PCDHA7: variants seen among roughly 807,000 people sequenced by gnomAD.
PCDHA7 encodes protocadherin alpha 7, also known as protocadherin alpha-7.
A neutral mutation model predicts 57.2 loss-of-function variants in PCDHA7; 37 were observed. That is an observed-to-expected ratio of 0.65 (90% CI 0.50 to 0.85). The LOEUF (loss-of-function observed/expected upper bound fraction) is 0.85, where lower values mean the gene tolerates loss of function less well. Ranked by LOEUF, PCDHA7 falls within the 40% of genes least tolerant of loss-of-function variation. The pLI, the probability that PCDHA7 is intolerant of heterozygous loss-of-function variation, is 0.00. For synonymous variants in PCDHA7, 553 were observed against 558.8 expected, an observed-to-expected ratio of 0.99 and a Z score of 0.15; for missense variants, 1,188 against 1,241.8, an observed-to-expected ratio of 0.96 and a Z score of 0.65.
chr5:140,882,198 G>A lies in PCDHA7; in HGVS notation c.2355+45460G>A, dbSNP rs964999330. ...CCGCACTAGGAAGCCATAAAAATTG[G>A]GCCTTGAGAGACAGTTTGAGGTAAG... On this transcript the variant is annotated intron_variant, in intron 1 of 3. Coordinates refer to ENST00000525929, the MANE Select transcript of PCDHA7 (RefSeq NM_018910.3). The A allele has an allele frequency of 8.5e-6, 13 of 1,525,466 alleles. 1 individual carries two copies. In the East Asian group the frequency reaches 2.5e-4, roughly 29 times the overall value. The allele number at this position is 1,525,466 out of a possible 1,614,324, so 94.5% of individuals were successfully genotyped here.
intron 3 of PCDHA7, among the ~76,000 whole-genome samples, chr5:140,995,853 A>G (rs934469128): frequency 4.6e-5 from 7 of 152,220 alleles, no homozygotes. Context: ...TTTCTATCGT[A>G]TCACTTAATA....
rs528377796 is a variant in PCDHA7, at chr5:140,957,777, T to G, written c.2356-21172T>G. The stretch of plus-strand genomic sequence containing the variant: ...TTCATTATATATGTTAAGTAAAAAC[T>G]AAGTTCATCATATATGTTAAGTAAA... On this transcript the variant is annotated intron_variant, in intron 1 of 3. Coordinates refer to ENST00000525929, the MANE Select transcript of PCDHA7 (RefSeq NM_018910.3). 8.5e-5 allele frequency among the ~76,000 whole-genome samples: 13 copies of G among 152,182 alleles called. No individual in the cohort carries two copies. The South Asian group carries it at 1.7e-3, about 19-fold the overall frequency.
intron 1 of PCDHA7, chr5:140,849,964 T>C: frequency 6.3e-7 from 1 of 1,597,810 alleles, no homozygotes; most frequent in African/African-American, 1.3e-5. Flanking sequence ...AACGCCCTGG[T>C]GTCCTACTCG....
intron 3 of PCDHA7, among the ~76,000 whole-genome samples, chr5:140,987,213 CA>C (rs58319157): frequency 0.029 from 3,412 of 118,662 alleles, 64 homozygotes; most frequent in African/African-American, 0.058. Flanking sequence ...GACTCCATCT[CA>C]AAAAAAAAAA....
intron 1 of PCDHA7, among the ~76,000 whole-genome samples, chr5:140,954,172 T>C (rs1297030972): frequency 6.6e-6 from 1 of 152,246 alleles, no homozygotes; most frequent in Non-Finnish European, 1.5e-5. Flanking sequence ...ATTTTCTTTA[T>C]CCAGTCTATC....
intron 1 of PCDHA7, chr5:140,853,873 G>T (rs1238273560): frequency 1.0e-6 from 1 of 983,500 alleles, no homozygotes; most frequent in Non-Finnish European, 1.2e-6. Context: ...GACAGTGCAA[G>T]TTTCTGTAAT....
At chr5:140,982,234 A>C (rs1039012011) in intron 2 of PCDHA7, 1 of 643,856 alleles carries the variant, frequency 1.6e-6, no homozygotes. Flanking sequence ...AAAAAACAGA[A>C]TTGCCATAAA....
chr5:140,951,659 C>T (rs1293655737), intron 1 of PCDHA7, among the ~76,000 whole-genome samples: 3 of 152,164 alleles, frequency 2.0e-5, no homozygotes, highest in African/African-American at 7.2e-5. Flanking sequence ...CCCACCAGGG[C>T]CTGCCTACAA....
At position 140,834,672 on chromosome 5, in the gene PCDHA7, G is replaced by C. The variant is rs2150223944; in HGVS notation, c.289G>C (p.Gly97Arg). 8.1e-6 allele frequency: 13 copies of C among 1,614,118 alleles called. No individual in the cohort carries two copies. The highest frequency in any genetic ancestry group is 1.6e-4 in the Middle Eastern group (1 of 6,084). ...TCGGATCGACCGCGAGGAGCTGTGCGGGCGGAGCGCGGAGTGCAGCATCCA... is the reference window on the plus strand; with the variant it reads ...TCGGATCGACCGCGAGGAGCTGTGCCGGCGGAGCGCGGAGTGCAGCATCCA... ...NSRIDREELCGRSAECSIHLE... is the reference protein window; with the variant it reads ...NSRIDREELCRRSAECSIHLE... The change falls in exon 1 of 4, where the codon GGG becomes CGG. Residue 97 changes from glycine to arginine, a missense_variant. Coordinates refer to ENST00000525929, the MANE Select transcript of PCDHA7 (RefSeq NM_018910.3).
intron 1 of PCDHA7, among the ~76,000 whole-genome samples, chr5:140,908,850 C>T (rs1234928966): frequency 6.6e-6 from 1 of 152,160 alleles, no homozygotes; most frequent in Non-Finnish European, 1.5e-5. Flanking sequence ...GTAACATACC[C>T]AAATGAGGAA....
intron 1 of PCDHA7, chr5:140,850,880 A>T (rs2150501340): frequency 6.3e-7 from 1 of 1,586,802 alleles, no homozygotes; most frequent in African/African-American, 1.4e-5. Flanking sequence ...CCTCAGATTC[A>T]ACTGGGAAGG....
At chr5:140,964,677 A>G (rs578237071) in intron 1 of PCDHA7, among the ~76,000 whole-genome samples, 11 of 152,090 alleles carry the variant, frequency 7.2e-5, no homozygotes, top group Non-Finnish European at 1.0e-4. Flanking sequence ...CAGGTCCACA[A>G]TTTGTGCACT....
Position 140,836,160 on chromosome 5 carries a change from A to G in PCDHA7, c.1777A>G (p.Lys593Glu), listed in dbSNP as rs1774254627. The change falls in exon 1 of 4, where the codon AAG becomes GAG. Residue 593 changes from lysine (K) to glutamate (E), a missense_variant. This residue lies in a region of PCDHA7 where 892 missense variants were observed against 788.5 expected (regional missense o/e 1.13). Transcript: ENST00000525929. ...TGTGGGCGCGGGCCATGTGGTGGCG[A>G]AGGTACGTGCAGTTGACGCTGACTC... ...RSVGAGHVVA[K>E]VRAVDADSGY... 6.2e-7 allele frequency: 1 copy of G among 1,613,780 alleles called. No homozygotes were observed. The highest frequency in any genetic ancestry group is 1.7e-5 in the Admixed American group (1 of 60,020).
At position 140,849,933 on chromosome 5, in the gene PCDHA7, C is replaced by G. The variant is rs2150458258; in HGVS notation, c.2355+13195C>G. Reference sequence around the variant, plus strand: ...CTGCCACATCTTCACGGTGTCTGCGCGGGACGCTGACGCGCAGGAGAACGC... The same window carrying G: ...CTGCCACATCTTCACGGTGTCTGCGGGGGACGCTGACGCGCAGGAGAACGC... On this transcript the variant is annotated intron_variant, in intron 1 of 3. Transcript: ENST00000525929. 8.1e-6 allele frequency: 13 copies of G among 1,598,002 alleles called. 1 individual carries two copies. In the African/African-American group the frequency reaches 1.2e-4, roughly 15 times the overall value.
At position 140,843,778 on chromosome 5, in the gene PCDHA7, G is replaced by C. The variant is rs2150366653; in HGVS notation, c.2355+7040G>C. 3.5e-6 allele frequency: 5 copies of C among 1,441,518 alleles called. No individual in the cohort carries two copies. The East Asian group carries it at 1.1e-4, about 33-fold the overall frequency. The allele number at this position is 1,441,518 out of a possible 1,614,324, so 89.3% of individuals were successfully genotyped here. A position where few individuals can be genotyped will look rare whatever the true frequency, so the allele number is the denominator to read the frequency against. On this transcript the variant is annotated intron_variant, in intron 1 of 3. Transcript: ENST00000525929. ...TGTGGAAATTGTAGTTACTTTAAAA[G>C]TGTTTCAGATTTAGTTTTTCACCGT...
intron 1 of PCDHA7, among the ~76,000 whole-genome samples, chr5:140,916,237 A>G (rs1004473327): frequency 6.6e-6 from 1 of 152,182 alleles, no homozygotes; most frequent in African/African-American, 2.4e-5. Context: ...CCAGGAGCCA[A>G]AGCCTGGACT....
At chr5:140,871,412 C>T (rs891491030) in intron 1 of PCDHA7, 2 of 1,613,976 alleles carry the variant, frequency 1.2e-6, no homozygotes, top group Non-Finnish European at 1.7e-6. Flanking sequence ...GACCTCATGG[C>T]CTTCAGCCCC....
At chr5:140,884,706 C>T (rs1554181856) in intron 1 of PCDHA7, 3 of 1,489,002 alleles carry the variant, frequency 2.0e-6, no homozygotes, top group Non-Finnish European at 8.9e-7. Flanking sequence ...ACACTTTAGC[C>T]TTCCTTGCAG....
intron 1 of PCDHA7, among the ~76,000 whole-genome samples, chr5:140,962,475 T>C (rs772721001): frequency 2.0e-5 from 3 of 152,232 alleles, no homozygotes; most frequent in Non-Finnish European, 4.4e-5. Context: ...TCTCTTTGTT[T>C]ATTCTAAGCA....
Sources: allele counts gnomAD v4.1 joint callset (sites outside exome capture counted in the v4.1 genomes callset), GRCh38; gene constraint gnomAD v4.1.1; regional missense constraint gnomAD v4.1.1; transcripts MANE v1.5; gene names NCBI Gene and HGNC (gene_info 2026-07-23, HGNC 2026-07-21).